Variants in LRRC56 observed in about 807,000 individuals in gnomAD.
LRRC56 encodes the protein leucine-rich repeat-containing protein 56.
A neutral mutation model predicts 47.8 loss-of-function variants in LRRC56; 41 were observed. That is an observed-to-expected ratio of 0.86 (90% CI 0.67 to 1.11). LRRC56 has a LOEUF of 1.11. LRRC56 is among the 50% of genes most tolerant of loss of function. The pLI is 0.00. For synonymous variants in LRRC56, 387 were observed against 311.2 expected, an observed-to-expected ratio of 1.24 and a Z score of -2.56; for missense variants, 759 against 704.2, an observed-to-expected ratio of 1.08 and a Z score of -0.88.
the LRRC56 span, among the ~76,000 whole-genome samples, chr11:509,644 T>C: frequency 6.6e-6 from 1 of 151,904 alleles, no homozygotes. Flanking sequence ...GCCTCCCAGG[T>C]TCAAGCCATT....
In LRRC56 at chr11:552,702, G is replaced by A; in HGVS notation, c.1315G>A (p.Glu439Lys). The A allele has an allele frequency of 6.3e-7, 1 of 1,599,802 alleles. No individual in the cohort carries two copies. Among genetic ancestry groups the A allele is most frequent in the Non-Finnish European group, 8.5e-7 (1 of 1,173,374 alleles). The change falls in exon 13 of 14, where the codon GAG (glutamate) becomes AAG (lysine). Residue 439 changes from glutamate (E) to lysine (K), a missense_variant and splice_region_variant. Glu to Lys is a moderately conservative substitution (Grantham distance 56, BLOSUM62 1). Transcript: ENST00000270115. ...TPSSPPSLAS[E>K]PSGTSSQHLV... Reference sequence around the variant, plus strand: ...CTCCAGCCCCCCAAGCCTGGCCTCAGGTACTGAGCCTGCCCGCCTGCCCCC... The same window carrying A: ...CTCCAGCCCCCCAAGCCTGGCCTCAAGTACTGAGCCTGCCCGCCTGCCCCC...
upstream of LRRC56, chr11:533,153 C>T (rs1851210721): frequency 1.1e-6 from 1 of 890,838 alleles, no homozygotes; most frequent in South Asian, 1.7e-5. Context: ...TCCGGCCTGG[C>T]TCAGGGCAGC....
intron 8 of LRRC56, among the ~76,000 whole-genome samples, chr11:550,774 G>C (rs1372437292): frequency 6.6e-6 from 1 of 152,152 alleles, no homozygotes; most frequent in African/African-American, 2.4e-5. Context: ...AGCCTCATTA[G>C]CTGCTGCTTG....
upstream of LRRC56, chr11:534,331 A>G (rs375413227): frequency 1.9e-6 from 3 of 1,608,620 alleles, no homozygotes; most frequent in African/African-American, 4.0e-5. Flanking sequence ...ATCGCTCCTC[A>G]GGGGCCTGCG....
intron 13 of LRRC56, among the ~76,000 whole-genome samples, chr11:553,166 C>T (rs1018539348): frequency 2.0e-5 from 3 of 152,178 alleles, no homozygotes; most frequent in Non-Finnish European, 4.4e-5. Flanking sequence ...GAAGATGGCA[C>T]GCGCACTTGG....
At chr11:526,200 G>A in the LRRC56 span, among the ~76,000 whole-genome samples, 531 of 152,108 alleles carry the variant, frequency 3.5e-3, 4 homozygotes, top group African/African-American at 0.012. Flanking sequence ...GTGAGACTCC[G>A]TCTCAAAAGT....
At position 541,733 on chromosome 11, in the gene LRRC56, G is replaced by A. The variant is rs979192768; in HGVS notation, c.265+109G>A. On this transcript the variant is annotated intron_variant, in intron 5 of 13. Coordinates refer to ENST00000270115, the MANE Select transcript of LRRC56 (RefSeq NM_198075.4). The surrounding 1 kb of genome is among the most constrained non-coding windows in gnomAD (Gnocchi z 4.1). ...AAGCTGTCCTCACCTCTCGGGCCGCGTATCGGCTTCCTTAGGGTTGGCCTC... is the reference window on the plus strand; with the variant it reads ...AAGCTGTCCTCACCTCTCGGGCCGCATATCGGCTTCCTTAGGGTTGGCCTC... 6.8e-5 allele frequency: 46 copies of A among 675,780 alleles called. No homozygotes were observed. The highest frequency in any genetic ancestry group is 9.3e-5 in the Non-Finnish European group (39 of 419,296). The allele number at this position is 675,780 out of a possible 1,614,324, so 41.9% of individuals were successfully genotyped here. A position where few individuals can be genotyped will look rare whatever the true frequency, so the allele number is the denominator to read the frequency against.
At chr11:545,076 A>G (rs963222719) in intron 6 of LRRC56, among the ~76,000 whole-genome samples, 9 of 152,084 alleles carry the variant, frequency 5.9e-5, no homozygotes, top group African/African-American at 1.7e-4. Flanking sequence ...GGTCCTGCCT[A>G]TGCCCTGTGG....
chr11:536,741 G>C (rs1420337291), upstream of LRRC56: 4 of 152,290 alleles, frequency 2.6e-5, no homozygotes, highest in African/African-American at 9.6e-5. Context: ...ACTGCACTGG[G>C]CAACAGAGCG....
the LRRC56 span, among the ~76,000 whole-genome samples, chr11:524,866 G>C: frequency 1.3e-4 from 19 of 151,944 alleles, no homozygotes; most frequent in Admixed American, 9.8e-4. Context: ...GCCGAGGCGG[G>C]TGAATCATGA....
chr11:512,346 G>A, the LRRC56 span, among the ~76,000 whole-genome samples: 1 of 152,050 alleles, frequency 6.6e-6, no homozygotes, highest in Non-Finnish European at 1.5e-5. Context: ...GCAGTTCTCC[G>A]CCTCGGCCTC....
chr11:522,547 T>G, the LRRC56 span, among the ~76,000 whole-genome samples: 5 of 152,146 alleles, frequency 3.3e-5, no homozygotes, highest in Non-Finnish European at 5.9e-5. Flanking sequence ...ATTACAGGCG[T>G]GAGCCACCGC....
At chr11:507,359 GC>G in the LRRC56 span, 2 of 152,138 alleles carry the variant, frequency 1.3e-5, no homozygotes, top group Non-Finnish European at 2.9e-5. Context: ...GGCGGGCGGG[GC>G]TCGGCTAAGC....
chr11:538,698 G>A lies in LRRC56; in HGVS notation c.-321G>A, dbSNP rs774073351. The A allele has an allele frequency of 6.6e-6, 1 of 152,270 alleles. No individual in the cohort carries two copies. Among genetic ancestry groups the A allele is most frequent in the Non-Finnish European group, 1.5e-5 (1 of 68,066 alleles). The allele number at this position is 152,270 out of a possible 1,614,324, so 9.4% of individuals were successfully genotyped here. A position where few individuals can be genotyped will look rare whatever the true frequency, so the allele number is the denominator to read the frequency against. On this transcript the variant is annotated 5_prime_UTR_variant, in exon 2 of 14. Coordinates refer to ENST00000270115, the MANE Select transcript of LRRC56 (RefSeq NM_198075.4). ...AACAGATAAAAGCCATGGCCAGAAC[G>A]TTCTAAGTGGCTACATGTGCATCTG...
upstream of LRRC56, chr11:533,224 C>G (rs2133984535): frequency 2.7e-6 from 4 of 1,461,882 alleles, no homozygotes; most frequent in Non-Finnish European, 3.7e-6. Context: ...AGGGCGTGAG[C>G]CCAGACCCCG....
At chr11:547,186 C>T (rs529316822) in intron 6 of LRRC56, among the ~76,000 whole-genome samples, 6 of 151,858 alleles carry the variant, frequency 4.0e-5, no homozygotes, top group Admixed American at 1.3e-4. Flanking sequence ...GAGCTGAGAT[C>T]GCGCCACTGC....
At chr11:528,483 C>G in the LRRC56 span, 1 of 152,128 alleles carries the variant, frequency 6.6e-6, no homozygotes, top group South Asian at 2.1e-4. Flanking sequence ...GGGGGACATT[C>G]ATGACACCCA....
At chr11:517,354 G>C in the LRRC56 span, among the ~76,000 whole-genome samples, 1 of 151,788 alleles carries the variant, frequency 6.6e-6, no homozygotes, top group Non-Finnish European at 1.5e-5. Flanking sequence ...GCCCGGTCTG[G>C]GAAGTGGGCG....
chr11:536,577 C>T (rs189953398), upstream of LRRC56, among the ~76,000 whole-genome samples: 34 of 152,286 alleles, frequency 2.2e-4, no homozygotes, highest in Non-Finnish European at 4.4e-4. Flanking sequence ...CAAGACCAGC[C>T]TGGCCAACAT....
Sources: gnomAD v4.1 joint callset for allele counts (sites outside exome capture counted in the v4.1 genomes callset) on GRCh38, gnomAD v4.1.1 for gene constraint, Gnocchi (gnomAD v3.1) non-coding constraint, MANE v1.5 for transcripts, NCBI Gene and HGNC (gene_info 2026-07-23, HGNC 2026-07-21) for gene names.